The following PDE1C variants were observed in gnomAD, a reference collection of about 807,000 sequenced individuals.
The protein encoded by PDE1C is phosphodiesterase 1C, also known as dual specificity calcium/calmodulin-dependent 3',5'-cyclic nucleotide phosphodiesterase 1C.
In PDE1C, 62 loss-of-function variants were observed where a neutral mutation model predicts 93.1. The ratio of observed to expected loss-of-function variants is 0.67; its 90% CI spans 0.54 to 0.82. The LOEUF is 0.82. Among genes scored for constraint, PDE1C ranks in the 40% least tolerant of loss-of-function variants. The probability of loss-of-function intolerance (pLI) is 0.00; values close to 1 mark genes in which losing one functional copy is unlikely to be tolerated. For synonymous variants in PDE1C, 325 were observed against 310.1 expected (o/e 1.05, Z -0.50); for missense variants, 742 against 884.6 (o/e 0.84, Z 2.04).
chr7:31,817,551 A>C (rs1054566626), intron 14 of PDE1C, among the ~76,000 whole-genome samples: 1 of 152,186 alleles, frequency 6.6e-6, no homozygotes, highest in Admixed American at 6.5e-5. Flanking sequence ...GACTCATCCC[A>C]TGCAGCGCTT....
At chr7:31,640,012 G>A in the PDE1C span, among the ~76,000 whole-genome samples, 4 of 152,036 alleles carry the variant, frequency 2.6e-5, no homozygotes, top group African/African-American at 9.7e-5. Flanking sequence ...TTACCATATA[G>A]GTGGTAGATA....
At chr7:31,835,395 T>C (rs1248215780) in intron 11 of PDE1C, among the ~76,000 whole-genome samples, 1 of 151,916 alleles carries the variant, frequency 6.6e-6, no homozygotes, top group Non-Finnish European at 1.5e-5. Context: ...TAGTTCTAGT[T>C]CCCCCCACAC....
chr7:32,014,887 C>T (rs1787682083), intron 2 of PDE1C, among the ~76,000 whole-genome samples: 1 of 152,110 alleles, frequency 6.6e-6, no homozygotes, highest in African/African-American at 2.4e-5. Flanking sequence ...TTTGTGCCCC[C>T]ACCCAAATCT....
the PDE1C span, among the ~76,000 whole-genome samples, chr7:31,651,541 G>A: frequency 0.72 from 109,465 of 151,960 alleles, 40,006 homozygotes; most frequent in East Asian, 0.82. Flanking sequence ...GATGGGGCTC[G>A]TGCAAATGCA....
upstream of PDE1C, among the ~76,000 whole-genome samples, chr7:32,301,660 C>T (rs573303090): frequency 6.6e-6 from 1 of 152,290 alleles, no homozygotes; most frequent in South Asian, 2.1e-4. Flanking sequence ...AAGTTGAATG[C>T]TAACATTACA....
chr7:32,320,480 C>T (rs1443985120), intron 1 of PDE1C, among the ~76,000 whole-genome samples: 1 of 152,000 alleles, frequency 6.6e-6, no homozygotes, highest in African/African-American at 2.4e-5. Context: ...ATATAACAAA[C>T]CTGCACATCC....
the PDE1C span, among the ~76,000 whole-genome samples, chr7:31,713,665 G>A: frequency 6.6e-6 from 1 of 152,234 alleles, no homozygotes; most frequent in Non-Finnish European, 1.5e-5. Flanking sequence ...TGGGCATCCA[G>A]GCATTTCCAT....
At chr7:32,088,623 G>C (rs7811930) in intron 3 of PDE1C, among the ~76,000 whole-genome samples, 95,205 of 152,192 alleles carry the variant, frequency 0.63, 30,153 homozygotes, top group African/African-American at 0.71. Context: ...GATGGCGCTC[G>C]CAAGGCTGTG....
intron 2 of PDE1C, among the ~76,000 whole-genome samples, chr7:31,963,964 A>C (rs1411489255): frequency 2.0e-5 from 3 of 152,214 alleles, no homozygotes; most frequent in Non-Finnish European, 4.4e-5. Flanking sequence ...TGTTAAGAAA[A>C]AAGTGGGGTG....
At chr7:31,858,585 C>G (rs372750921) in intron 7 of PDE1C, among the ~76,000 whole-genome samples, 2 of 152,126 alleles carry the variant, frequency 1.3e-5, no homozygotes, top group East Asian at 3.9e-4. Context: ...GAAGAAGATG[C>G]ATTCTCCCAC....
At chr7:32,298,726 C>A in exon 1 of PDE1C, 6 of 1,597,830 alleles carry the variant, frequency 3.8e-6, no homozygotes, top group Non-Finnish European at 5.1e-6. Context: ...CTGTTGCCGG[C>A]GTCCGTCATG....
At chr7:31,747,180 G>A (rs1202509715), downstream of PDE1C, among the ~76,000 whole-genome samples, 1 of 152,080 alleles carries the variant, frequency 6.6e-6, no homozygotes, top group Non-Finnish European at 1.5e-5. Flanking sequence ...CAACAAAGGG[G>A]CACACCAGAA....
At chr7:31,754,715 A>G (rs528961583) in intron 17 of PDE1C, among the ~76,000 whole-genome samples, 1 of 152,212 alleles carries the variant, frequency 6.6e-6, no homozygotes, top group Non-Finnish European at 1.5e-5. Flanking sequence ...TAAAAACATC[A>G]GAGATTGTCA....
chr7:31,803,451 C>T lies in PDE1C; in HGVS notation c.1891+5580G>A, dbSNP rs559535315. Among the ~76,000 whole-genome samples, 23 of 151,618 alleles carry T rather than the reference C, an allele frequency of 1.5e-4. No homozygotes were observed. The South Asian group carries it at 1.7e-3, about 11-fold the overall frequency. On this transcript the variant is annotated intron_variant, in intron 16 of 17. Coordinates refer to ENST00000396191, the MANE Select transcript of PDE1C (RefSeq NM_001191057.4). Reference sequence around the variant, plus strand: ...TAAGTTTTAGGGTACATGTGCACAACGTGCAGGTTTGTTACATATGTATAC... The same window carrying T: ...TAAGTTTTAGGGTACATGTGCACAATGTGCAGGTTTGTTACATATGTATAC...
intron 1 of PDE1C, among the ~76,000 whole-genome samples, chr7:32,297,493 C>G (rs1315046732): frequency 6.6e-6 from 1 of 152,172 alleles, no homozygotes; most frequent in Non-Finnish European, 1.5e-5. Flanking sequence ...AGGGCTCCAC[C>G]TGAGACTTGG....
At chr7:31,963,982 G>A (rs1207284020) in intron 2 of PDE1C, among the ~76,000 whole-genome samples, 2 of 152,190 alleles carry the variant, frequency 1.3e-5, no homozygotes, top group Non-Finnish European at 2.9e-5. Context: ...GTGGAGGCAA[G>A]GTGGCCAAAT....
At position 31,837,985 on chromosome 7, in the gene PDE1C, C is replaced by G. The variant is rs757933730; in HGVS notation, c.981-14G>C. The G allele has an allele frequency of 5.8e-6, 9 of 1,549,304 alleles. No individual in the cohort carries two copies. The South Asian group carries it at 9.1e-5, about 16-fold the overall frequency. ...GTTCGAAACTCCCTTTTAGAGACAA[C>G]CATGGAGAAAAAAGGATGGAAGTCA... On this transcript the variant is annotated splice_polypyrimidine_tract_variant and intron_variant, in intron 9 of 17. Transcript: ENST00000396191.
chr7:32,258,043 CAG>C, intron 1 of PDE1C, among the ~76,000 whole-genome samples: 1 of 152,226 alleles, frequency 6.6e-6, no homozygotes, highest in East Asian at 1.9e-4. Context: ...GGTTTCTCTG[CAG>C]AGTTTCCAGG....
chr7:32,297,107 G>A (rs763981204), intron 1 of PDE1C, among the ~76,000 whole-genome samples: 4 of 152,178 alleles, frequency 2.6e-5, no homozygotes, highest in Non-Finnish European at 5.9e-5. Flanking sequence ...TGAGGGAATG[G>A]CTTTCCTGCC....
Sources: gnomAD v4.1 joint callset for allele counts (sites outside exome capture counted in the v4.1 genomes callset) on GRCh38, gnomAD v4.1.1 for gene constraint, MANE v1.5 for transcripts, NCBI Gene and HGNC (gene_info 2026-07-23, HGNC 2026-07-21) for gene names.